The following SPCS3 variants were observed in gnomAD, a reference collection of about 807,000 sequenced individuals.
The protein encoded by SPCS3 is signal peptidase complex subunit 3, also known as SPase 22 kDa subunit.
Under a neutral mutation model 17.2 loss-of-function variants are expected in SPCS3, and 9 were observed. The ratio of observed to expected loss-of-function variants is 0.52; its 90% CI spans 0.31 to 0.91. SPCS3 has a LOEUF of 0.91. Ranked by LOEUF, SPCS3 falls within the 40% of genes least tolerant of loss-of-function variation. The pLI, the probability that SPCS3 is intolerant of heterozygous loss-of-function variation, is 0.04. For missense variants in SPCS3, 139 were observed against 217.5 expected, an observed-to-expected ratio of 0.64 and a Z score of 2.27; for synonymous variants, 87 against 89.6, an observed-to-expected ratio of 0.97 and a Z score of 0.16.
At chr4:176,327,732 C>G (rs1195098466) in intron 4 of SPCS3, among the ~76,000 whole-genome samples, 1 of 152,192 alleles carries the variant, frequency 6.6e-6, no homozygotes, top group African/African-American at 2.4e-5. Context: ...ACCTCTTAGA[C>G]TCTAGTGGTA....
In SPCS3 at chr4:176,328,438, T is replaced by TG; in HGVS notation, c.*108_*109insG. 9.2e-6 allele frequency: 2 copies of TG among 216,746 alleles called. No homozygotes were observed. The highest frequency in any genetic ancestry group is 1.4e-5 in the Non-Finnish European group (2 of 140,822). 13.4% of individuals were successfully genotyped at this position (216,746 alleles called of 1,614,324 possible). Reference sequence around the variant, plus strand: ...GTTGGTTTGTTTTTTGGTTTTGGGTTTTTTTTTTTTTTTTTTTGGTATAAG... The same window carrying TG: ...GTTGGTTTGTTTTTTGGTTTTGGGTTGTTTTTTTTTTTTTTTTTGGTATAAG... On this transcript the variant is annotated 3_prime_UTR_variant, in exon 5 of 5. Transcript: ENST00000503362.
Position 176,324,176 on chromosome 4 carries a change from C to T in SPCS3, c.218-5C>T. 1 of 1,126,166 alleles carries T rather than the reference C, an allele frequency of 8.9e-7. No individual in the cohort carries two copies. Among genetic ancestry groups the T allele is most frequent in the Non-Finnish European group, 1.2e-6 (1 of 821,278 alleles). The allele number at this position is 1,126,166 out of a possible 1,614,324, so 69.8% of individuals were successfully genotyped here. On this transcript the variant is annotated splice_region_variant and splice_polypyrimidine_tract_variant and intron_variant, in intron 2 of 4. Coordinates refer to ENST00000503362, the MANE Select transcript of SPCS3 (RefSeq NM_021928.4). ...ATAAATTTATATTTTCCTTAATTTA[C>T]TTACATCTAGAGAATATATTTGATT...
In SPCS3 at chr4:176,322,261, A is replaced by C; in HGVS notation, c.217+18A>C. 6.5e-7 allele frequency: 1 copy of C among 1,527,104 alleles called. No individual in the cohort carries two copies. The highest frequency in any genetic ancestry group is 9.1e-7 in the Non-Finnish European group (1 of 1,103,144). 94.6% of individuals were successfully genotyped at this position (1,527,104 alleles called of 1,614,324 possible). On this transcript the variant is annotated intron_variant, in intron 2 of 4. Transcript: ENST00000503362. ...AACTGCTGATATCCTTTAAGAAAAT[A>C]TTTCGTTGCGTTTTCTGTAGTTTTA...
At position 176,320,004 on chromosome 4, in the gene SPCS3, A is replaced by G; in HGVS notation, c.-73A>G. The G allele has an allele frequency of 2.9e-6, 4 of 1,394,848 alleles. No individual in the cohort carries two copies. The highest frequency in any genetic ancestry group is 2.6e-5 in the Admixed American group (1 of 38,062). The allele number at this position is 1,394,848 out of a possible 1,614,324, so 86.4% of individuals were successfully genotyped here. ...GCGCACCGCAGACGGCGCGGATCGC[A>G]GGGAGCCGGTCCGCCGCCGGAACGG... On this transcript the variant is annotated 5_prime_UTR_variant, in exon 1 of 5. Transcript: ENST00000503362.
rs768742105 is a variant in SPCS3 at position 176,320,033 on chromosome 4, C to G, written c.-44C>G. 3 of 1,473,718 alleles carry G rather than the reference C, an allele frequency of 2.0e-6. No individual in the cohort carries two copies. Among genetic ancestry groups the G allele is most frequent in the African/African-American group, 1.5e-5 (1 of 68,948 alleles). The allele number at this position is 1,473,718 out of a possible 1,614,324, so 91.3% of individuals were successfully genotyped here. ...AGCCGGTCCGCCGCCGGAACGGGAG[C>G]CTGGGTGTGCGTGTGGAGTCCGGAC... On this transcript the variant is annotated 5_prime_UTR_variant, in exon 1 of 5. Transcript: ENST00000503362.
intron 3 of SPCS3, among the ~76,000 whole-genome samples, chr4:176,325,469 C>T (rs1056062793): frequency 6.7e-6 from 1 of 150,000 alleles, no homozygotes; most frequent in African/African-American, 2.5e-5. Flanking sequence ...CTCATTATGA[C>T]TATATATAAT....
At position 176,330,775 on chromosome 4, in the gene SPCS3, A is replaced by C. The variant is rs574649218; in HGVS notation, c.*2445A>C. On this transcript the variant is annotated 3_prime_UTR_variant, in exon 5 of 5. Coordinates refer to ENST00000503362, the MANE Select transcript of SPCS3 (RefSeq NM_021928.4). ...TTATACAAAACTGAGTATGATTAGAAATACCTGAGCCCAGAAATGATTCTG... is the reference window on the plus strand; with the variant it reads ...TTATACAAAACTGAGTATGATTAGACATACCTGAGCCCAGAAATGATTCTG... The C allele has an allele frequency of 1.2e-4, 18 of 152,346 alleles. No homozygotes were observed. The highest frequency in any genetic ancestry group is 2.5e-4 in the Non-Finnish European group (17 of 68,020). The allele number at this position is 152,346 out of a possible 1,614,324, so 9.4% of individuals were successfully genotyped here.
chr4:176,321,884 T>G (rs899189707), intron 1 of SPCS3: 6 of 219,376 alleles, frequency 2.7e-5, no homozygotes, highest in Non-Finnish European at 5.4e-5. Flanking sequence ...TTCTGCAAAA[T>G]TGCTTTACAT....
chr4:176,329,210 T>C lies in SPCS3; in HGVS notation c.*880T>C, dbSNP rs1333567257. 1 of 152,148 alleles carries C rather than the reference T, an allele frequency of 6.6e-6. No homozygotes were observed. Among genetic ancestry groups the C allele is most frequent in the African/African-American group, 2.4e-5 (1 of 41,450 alleles). The allele number at this position is 152,148 out of a possible 1,614,324, so 9.4% of individuals were successfully genotyped here. On this transcript the variant is annotated 3_prime_UTR_variant, in exon 5 of 5. Coordinates refer to ENST00000503362, the MANE Select transcript of SPCS3 (RefSeq NM_021928.4). ...ATTATTGGGATAATAATAATTGTGG[T>C]ATGCTTTCCATTTACAAACCACTCA...
At chr4:176,320,333 T>A (rs1262432156) in intron 1 of SPCS3, 114 bp downstream of exon 1, 6 of 1,031,606 alleles carry the variant, frequency 5.8e-6, no homozygotes, top group Non-Finnish European at 7.4e-6. Flanking sequence ...GGCGTCCGGA[T>A]CGCCCTCCTG....
chr4:176,322,076 C>G, intron 1 of SPCS3, 94 bp from the exon 2 acceptor site: 1 of 722,128 alleles, frequency 1.4e-6, no homozygotes, highest in South Asian at 1.8e-5. Context: ...GCAGTTTCAC[C>G]TATGCACACA....
rs1731518758 is a variant in SPCS3, at chr4:176,320,347, G to T, written c.143+128G>T. The T allele has an allele frequency of 5.4e-6, 5 of 918,456 alleles. No homozygotes were observed. In the South Asian group the frequency reaches 2.5e-4, roughly 46 times the overall value. 56.9% of individuals were successfully genotyped at this position (918,456 alleles called of 1,614,324 possible). Reference sequence around the variant, plus strand: ...GGGCGTCCGGATCGCCCTCCTGAGCGGCAGTTCGCCCCCGAGGGCGGTCGT... The same window carrying T: ...GGGCGTCCGGATCGCCCTCCTGAGCTGCAGTTCGCCCCCGAGGGCGGTCGT... On this transcript the variant is annotated intron_variant, in intron 1 of 4. Transcript: ENST00000503362.
chr4:176,321,808 C>T (rs4690686), intron 1 of SPCS3: 53,071 of 157,458 alleles, frequency 0.34, 9,020 homozygotes, highest in Middle Eastern at 0.52. Flanking sequence ...TACTGTATCA[C>T]CCTTTAATAT....
At position 176,324,175 on chromosome 4, in the gene SPCS3, A is replaced by T; in HGVS notation, c.218-6A>T. The stretch of plus-strand genomic sequence containing the variant: ...CATAAATTTATATTTTCCTTAATTT[A>T]CTTACATCTAGAGAATATATTTGAT... On this transcript the variant is annotated splice_region_variant and splice_polypyrimidine_tract_variant and intron_variant, in intron 2 of 4. Transcript: ENST00000503362. The T allele has an allele frequency of 8.9e-7, 1 of 1,125,962 alleles. No individual in the cohort carries two copies. The highest frequency in any genetic ancestry group is 1.2e-6 in the Non-Finnish European group (1 of 819,626). The allele number at this position is 1,125,962 out of a possible 1,614,324, so 69.7% of individuals were successfully genotyped here. A position where few individuals can be genotyped will look rare whatever the true frequency, so the allele number is the denominator to read the frequency against.
intron 1 of SPCS3, 38 bp from the exon 2 acceptor site, chr4:176,322,132 T>C: frequency 4.5e-6 from 6 of 1,344,436 alleles, no homozygotes; most frequent in South Asian, 3.6e-5. Context: ...GTGTATGTTC[T>C]GTTGGAAGGA....
In SPCS3 at chr4:176,328,361, A is replaced by G. The variant is rs376892490; in HGVS notation, c.*31A>G. The G allele has an allele frequency of 9.5e-4, 1,439 of 1,519,468 alleles. 2 individuals are homozygous for G. Among genetic ancestry groups the G allele is most frequent in the Non-Finnish European group, 1.2e-3 (1,405 of 1,124,012 alleles). 94.1% of individuals were successfully genotyped at this position (1,519,468 alleles called of 1,614,324 possible). A position where few individuals can be genotyped will look rare whatever the true frequency, so the allele number is the denominator to read the frequency against. On this transcript the variant is annotated 3_prime_UTR_variant, in exon 5 of 5. Transcript: ENST00000503362. Reference sequence around the variant, plus strand: ...TCTGAATTTGAAACAACATATTTTTATACTTAATGAATTGTATCTCATTAA... The same window carrying G: ...TCTGAATTTGAAACAACATATTTTTGTACTTAATGAATTGTATCTCATTAA...
chr4:176,328,150 G>A, intron 4 of SPCS3, 48 bp from the exon 5 acceptor site: 1 of 1,578,208 alleles, frequency 6.3e-7, no homozygotes, highest in Non-Finnish European at 8.6e-7. Flanking sequence ...AATTTTTTTT[G>A]AACTACTAGT....
At position 176,321,887 on chromosome 4, in the gene SPCS3, C is replaced by T. The variant is rs73871975; in HGVS notation, c.144-283C>T. ...TTCTTCTACCCATTCTGCAAAATTG[C>T]TTTACATCAAGTATTTACTATTCTT... is the stretch of plus-strand genomic sequence containing the variant. On this transcript the variant is annotated intron_variant, in intron 1 of 4. Transcript: ENST00000503362. 1,769 of 226,298 alleles carry T rather than the reference C, an allele frequency of 7.8e-3. 30 individuals are homozygous for T. The highest frequency in any genetic ancestry group is 0.036 in the African/African-American group (1,567 of 43,968). The allele number at this position is 226,298 out of a possible 1,614,324, so 14.0% of individuals were successfully genotyped here. A position where few individuals can be genotyped will look rare whatever the true frequency, so the allele number is the denominator to read the frequency against.
intron 3 of SPCS3, 159 bp from the exon 4 acceptor site, chr4:176,327,003 T>A (rs1038327411): frequency 1.3e-5 from 6 of 466,982 alleles, no homozygotes; most frequent in Non-Finnish European, 2.3e-5. Flanking sequence ...CTTTTTTGTA[T>A]CTCTCTCTTT....
Sources: allele counts gnomAD v4.1 joint callset (sites outside exome capture counted in the v4.1 genomes callset), GRCh38; gene constraint gnomAD v4.1.1; transcripts MANE v1.5; gene names NCBI Gene and HGNC (gene_info 2026-07-23, HGNC 2026-07-21).